The following SLC14A2 variants were observed in gnomAD, a reference collection of about 807,000 sequenced individuals.
The protein encoded by SLC14A2 is solute carrier family 14 member 2.
In SLC14A2, 91 loss-of-function variants were observed where a neutral mutation model predicts 104.6. The ratio of observed to expected loss-of-function variants is 0.87; its 90% CI spans 0.73 to 1.04. The LOEUF is 1.04. Among genes scored for constraint, SLC14A2 ranks in the 50% least tolerant of loss-of-function variants. SLC14A2 has a pLI of 0.00. For missense variants in SLC14A2, 1,189 were observed against 1,156.0 expected (o/e 1.03, Z -0.41); for synonymous variants, 476 against 466.4 (o/e 1.02, Z -0.27).
At chr18:45,621,830 T>C (rs1196327300) in intron 1 of SLC14A2, among the ~76,000 whole-genome samples, 2 of 152,200 alleles carry the variant, frequency 1.3e-5, no homozygotes, top group Admixed American at 6.5e-5. Context: ...CGAGGGTTTA[T>C]TTAGCAAGTG....
chr18:45,530,513 T>G (rs2043666755), intron 2 of SLC14A2, among the ~76,000 whole-genome samples: 1 of 152,138 alleles, frequency 6.6e-6, no homozygotes, highest in Non-Finnish European at 1.5e-5. Context: ...TGCCAGCACC[T>G]CTCATAACCC....
At chr18:45,368,967 C>T (rs1408717370) in intron 1 of SLC14A2, among the ~76,000 whole-genome samples, 1 of 152,198 alleles carries the variant, frequency 6.6e-6, no homozygotes, top group African/African-American at 2.4e-5. Context: ...CAAGAAGAAG[C>T]TCAGCAACAA....
At chr18:45,429,336 T>C (rs1011386143) in intron 1 of SLC14A2, among the ~76,000 whole-genome samples, 1 of 152,210 alleles carries the variant, frequency 6.6e-6, no homozygotes, top group Non-Finnish European at 1.5e-5. Context: ...GTGGAAGACT[T>C]GCCTATGACT....
intron 1 of SLC14A2, among the ~76,000 whole-genome samples, chr18:45,395,625 G>GA (rs995093515): frequency 6.6e-6 from 1 of 151,852 alleles, no homozygotes; most frequent in African/African-American, 2.4e-5. Context: ...TTTTACAGAT[G>GA]AAAAAAATGA....
chr18:45,266,261 A>G (rs532732119), intron 1 of SLC14A2, among the ~76,000 whole-genome samples: 9 of 152,234 alleles, frequency 5.9e-5, no homozygotes, highest in African/African-American at 2.2e-4. Context: ...CTAAGAGAGG[A>G]AGTGGGTATA....
At chr18:45,518,743 G>C (rs544377914) in intron 2 of SLC14A2, among the ~76,000 whole-genome samples, 1 of 152,120 alleles carries the variant, frequency 6.6e-6, no homozygotes, top group Admixed American at 6.6e-5. Flanking sequence ...GACTAAAATT[G>C]AATTTTTTTT....
intron 2 of SLC14A2, among the ~76,000 whole-genome samples, chr18:45,608,929 C>T (rs899796547): frequency 5.9e-5 from 9 of 152,134 alleles, no homozygotes; most frequent in African/African-American, 2.2e-4. Flanking sequence ...GGTAGCTGGT[C>T]CAGAGGATGT....
chr18:45,671,760 A>C (rs1291355287), intron 16 of SLC14A2, among the ~76,000 whole-genome samples: 1 of 152,294 alleles, frequency 6.6e-6, no homozygotes, highest in African/African-American at 2.4e-5. Flanking sequence ...CCACGCGCAG[A>C]GGGAAGAGTT....
chr18:45,556,397 C>A (rs760969759), intron 2 of SLC14A2, among the ~76,000 whole-genome samples: 11 of 152,180 alleles, frequency 7.2e-5, no homozygotes, highest in Non-Finnish European at 1.2e-4. Flanking sequence ...GGAATCTTAT[C>A]AAACCCTACC....
intron 8 of SLC14A2, among the ~76,000 whole-genome samples, chr18:45,641,849 T>C (rs1443884106): frequency 1.3e-5 from 2 of 152,160 alleles, no homozygotes; most frequent in Non-Finnish European, 2.9e-5. Flanking sequence ...CATAACCACA[T>C]TATGGAAGCT....
chr18:45,589,544 T>C (rs959069418), intron 2 of SLC14A2, among the ~76,000 whole-genome samples: 2 of 152,114 alleles, frequency 1.3e-5, no homozygotes, highest in African/African-American at 4.8e-5. Flanking sequence ...TTTTTTTATT[T>C]GGATAAGGCA....
At chr18:45,598,091 T>A (rs984462997) in intron 2 of SLC14A2, among the ~76,000 whole-genome samples, 16 of 152,104 alleles carry the variant, frequency 1.1e-4, no homozygotes, top group Non-Finnish European at 2.1e-4. Flanking sequence ...AACCCACACA[T>A]TCACACAACA....
intron 2 of SLC14A2, among the ~76,000 whole-genome samples, chr18:45,485,836 A>G (rs1052174294): frequency 3.9e-5 from 6 of 151,924 alleles, no homozygotes; most frequent in Non-Finnish European, 5.9e-5. Context: ...GTGTTGGGTG[A>G]CTCCAACTGC....
chr18:45,319,512 G>C (rs749444200), intron 1 of SLC14A2, among the ~76,000 whole-genome samples: 3 of 152,194 alleles, frequency 2.0e-5, no homozygotes, highest in Admixed American at 2.0e-4. Context: ...GCACCATCCA[G>C]TAGGCCAGAG....
intron 2 of SLC14A2, among the ~76,000 whole-genome samples, chr18:45,545,790 A>G (rs1196999418): frequency 6.6e-6 from 1 of 152,208 alleles, no homozygotes; most frequent in Non-Finnish European, 1.5e-5. Context: ...TTCTGACTCT[A>G]GTTTAATTGT....
At position 45,679,044 on chromosome 18, in the gene SLC14A2, G is replaced by A; in HGVS notation, c.2562+20G>A. 6.2e-7 allele frequency: 1 copy of A among 1,610,140 alleles called. No homozygotes were observed. Among genetic ancestry groups the A allele is most frequent in the South Asian group, 1.1e-5 (1 of 90,802 alleles). Reference sequence around the variant, plus strand: ...TCTGTGGTGAGTCAACACAGGCTCAGAACGTGCCTACAACATCCTTCCTGG... The same window carrying A: ...TCTGTGGTGAGTCAACACAGGCTCAAAACGTGCCTACAACATCCTTCCTGG... On this transcript the variant is annotated intron_variant, in intron 19 of 19. Coordinates refer to ENST00000255226, the MANE Select transcript of SLC14A2 (RefSeq NM_007163.4).
chr18:45,287,268 TAGAA>T (rs2084824046), intron 1 of SLC14A2, among the ~76,000 whole-genome samples: 1 of 152,204 alleles, frequency 6.6e-6, no homozygotes, highest in Non-Finnish European at 1.5e-5. Flanking sequence ...TAGCATTAAT[TAGAA>T]AGAGGTAGAA....
At chr18:45,645,368 G>A (rs1325376608) in intron 10 of SLC14A2, among the ~76,000 whole-genome samples, 1 of 151,802 alleles carries the variant, frequency 6.6e-6, no homozygotes, top group Non-Finnish European at 1.5e-5. Context: ...TAATGGGATT[G>A]CTGGGACAAA....
chr18:45,533,531 G>A (rs1288563338), intron 2 of SLC14A2, among the ~76,000 whole-genome samples: 1 of 152,162 alleles, frequency 6.6e-6, no homozygotes, highest in Non-Finnish European at 1.5e-5. Context: ...ATTTCTGTGG[G>A]ATCGGTGGTG....
Sources: gnomAD v4.1 joint callset for allele counts (sites outside exome capture counted in the v4.1 genomes callset) on GRCh38, gnomAD v4.1.1 for gene constraint, MANE v1.5 for transcripts, NCBI Gene and HGNC (gene_info 2026-07-23, HGNC 2026-07-21) for gene names.